Variants in ASTN2 observed in about 807,000 individuals in gnomAD.
ASTN2 encodes astrotactin-2.
Under a neutral mutation model 139.8 loss-of-function variants are expected in ASTN2, and 54 were observed. The ratio of observed to expected loss-of-function variants is 0.39; its 90% confidence interval spans 0.31 to 0.48. The LOEUF (loss-of-function observed/expected upper bound fraction) is 0.48, where lower values mean the gene tolerates loss of function less well. Among genes scored for constraint, ASTN2 ranks in the 20% least tolerant of loss-of-function variants. The pLI is 0.95. For missense variants in ASTN2, 1,565 were observed against 1,725.1 expected (o/e 0.91, Z 1.64); for synonymous variants, 756 against 719.5 (o/e 1.05, Z -0.81).
chr9:117,032,718 A>T (rs1245240843), intron 6 of ASTN2, among the ~76,000 whole-genome samples: 2 of 152,280 alleles, frequency 1.3e-5, no homozygotes, highest in African/African-American at 2.4e-5. Context: ...GATGAGAGCA[A>T]ATAAATGTAG....
At chr9:116,451,273 A>T (rs971079331) in intron 20 of ASTN2, among the ~76,000 whole-genome samples, 4 of 152,228 alleles carry the variant, frequency 2.6e-5, no homozygotes, top group Admixed American at 2.6e-4. Context: ...AGAAATAATT[A>T]TAGTATTAAC....
chr9:117,131,294 G>C (rs879899382), intron 4 of ASTN2, among the ~76,000 whole-genome samples: 2 of 152,016 alleles, frequency 1.3e-5, no homozygotes, highest in Non-Finnish European at 2.9e-5. Flanking sequence ...TTGGAGTTTA[G>C]GCACAACTGA....
At chr9:117,234,405 T>C (rs1352020316) in intron 2 of ASTN2, among the ~76,000 whole-genome samples, 3 of 152,184 alleles carry the variant, frequency 2.0e-5, no homozygotes, top group Non-Finnish European at 2.9e-5. Context: ...GAACCGGCCA[T>C]GTGTCTCCTA....
intron 10 of ASTN2, among the ~76,000 whole-genome samples, chr9:116,900,759 T>C (rs1055414207): frequency 6.6e-6 from 1 of 152,126 alleles, no homozygotes; most frequent in Non-Finnish European, 1.5e-5. Context: ...CCCTCTTTCC[T>C]GCCCCCCTCT....
chr9:117,341,023 G>C (rs1829048171), intron 1 of ASTN2, among the ~76,000 whole-genome samples: 1 of 152,150 alleles, frequency 6.6e-6, no homozygotes, highest in Admixed American at 6.5e-5. Flanking sequence ...CTCCTCTAGG[G>C]ACCCAAGGTT....
At chr9:117,251,975 C>A (rs1353255669) in intron 2 of ASTN2, among the ~76,000 whole-genome samples, 3 of 152,168 alleles carry the variant, frequency 2.0e-5, no homozygotes, top group African/African-American at 7.2e-5. Flanking sequence ...GTTCTCATTT[C>A]TAAATATTAT....
intron 1 of ASTN2, among the ~76,000 whole-genome samples, chr9:117,360,287 G>A (rs1442478992): frequency 1.3e-5 from 2 of 152,120 alleles, no homozygotes; most frequent in East Asian, 1.9e-4. Context: ...GGGTAATACA[G>A]GCAATTAAAT....
chr9:116,447,792 C>T (rs541529427), intron 20 of ASTN2, among the ~76,000 whole-genome samples: 1 of 152,196 alleles, frequency 6.6e-6, no homozygotes, highest in Admixed American at 6.5e-5. Context: ...TGCAATCAAT[C>T]GCTGTTGGCA....
chr9:117,137,514 A>G (rs1018478301), intron 4 of ASTN2, among the ~76,000 whole-genome samples: 7 of 152,176 alleles, frequency 4.6e-5, no homozygotes, highest in African/African-American at 1.7e-4. Context: ...CTGTTCCTAT[A>G]GATGCTTCTG....
intron 17 of ASTN2, among the ~76,000 whole-genome samples, chr9:116,647,601 G>T (rs1414175026): frequency 6.6e-6 from 1 of 152,194 alleles, no homozygotes; most frequent in African/African-American, 2.4e-5. Flanking sequence ...TGCTATGCAT[G>T]TGCCAAGAAC....
chr9:116,973,669 A>G (rs1199323510), intron 10 of ASTN2, among the ~76,000 whole-genome samples: 2 of 152,238 alleles, frequency 1.3e-5, no homozygotes, highest in Non-Finnish European at 2.9e-5. Flanking sequence ...TTTAAAATAT[A>G]TAATGCAGAG....
chr9:116,490,660 G>C (rs1185043903), intron 19 of ASTN2, among the ~76,000 whole-genome samples: 1 of 152,190 alleles, frequency 6.6e-6, no homozygotes, highest in African/African-American at 2.4e-5. Context: ...AGGGTGGCAG[G>C]AGAGAGAATG....
chr9:116,470,552 G>C (rs1254456775), intron 20 of ASTN2, among the ~76,000 whole-genome samples: 1 of 152,192 alleles, frequency 6.6e-6, no homozygotes, highest in Non-Finnish European at 1.5e-5. Context: ...ATTGAGAAGG[G>C]TGGATGGATT....
chr9:116,728,461 A>G (rs1828691720), intron 15 of ASTN2, among the ~76,000 whole-genome samples: 2 of 152,138 alleles, frequency 1.3e-5, no homozygotes, highest in Non-Finnish European at 2.9e-5. Flanking sequence ...CATTTTGGGC[A>G]CTATAAATTG....
intron 4 of ASTN2, among the ~76,000 whole-genome samples, chr9:117,137,299 G>C (rs1338169299): frequency 6.6e-6 from 1 of 152,144 alleles, no homozygotes; most frequent in African/African-American, 2.4e-5. Flanking sequence ...CTGGTTCTCG[G>C]CTACCCATTC....
At chr9:116,621,444 C>T (rs1856147407) in intron 17 of ASTN2, among the ~76,000 whole-genome samples, 1 of 44,440 alleles carries the variant, frequency 2.3e-5, no homozygotes, top group South Asian at 1.7e-3. Context: ...CATGCACGCA[C>T]ACACACACAC....
chr9:116,622,102 G>A (rs1381135863), intron 17 of ASTN2, among the ~76,000 whole-genome samples: 1 of 151,998 alleles, frequency 6.6e-6, no homozygotes, highest in East Asian at 1.9e-4. Context: ...CACCACTAAG[G>A]GCACATGATT....
At chr9:116,784,925 G>A (rs1283016253) in intron 13 of ASTN2, among the ~76,000 whole-genome samples, 25 of 63,900 alleles carry the variant, frequency 3.9e-4, no homozygotes, top group Admixed American at 1.1e-3. Context: ...GTGAAACTCC[G>A]CCTCAAAAAA....
chr9:116,522,091 C>G (rs190910680), intron 19 of ASTN2, among the ~76,000 whole-genome samples: 14 of 152,104 alleles, frequency 9.2e-5, no homozygotes, highest in Admixed American at 8.5e-4. Flanking sequence ...CAACCACTAT[C>G]GAAAACAATT....
Sources: gnomAD v4.1 joint callset for allele counts (sites outside exome capture counted in the v4.1 genomes callset) on GRCh38, gnomAD v4.1.1 for gene constraint, MANE v1.5 for transcripts, NCBI Gene and HGNC (gene_info 2026-07-23, HGNC 2026-07-21) for gene names.